The following DSCAM variants were observed in gnomAD, a reference collection of about 807,000 sequenced individuals.
The protein encoded by DSCAM is DS cell adhesion molecule, also known as cell adhesion molecule DSCAM.
A neutral mutation model predicts 217.7 loss-of-function variants in DSCAM; 47 were observed. That is an observed-to-expected ratio of 0.22 (90% CI 0.17 to 0.28). The LOEUF (loss-of-function observed/expected upper bound fraction) is 0.28, where lower values mean the gene tolerates loss of function less well. Ranked by LOEUF, DSCAM falls within the 10% of genes least tolerant of loss-of-function variation. The pLI, the probability that DSCAM is intolerant of heterozygous loss-of-function variation, is 1.00. For missense variants in DSCAM, 2,080 were observed against 2,618.3 expected (o/e 0.79, Z 4.49); for synonymous variants, 1,056 against 1,015.3 (o/e 1.04, Z -0.76).
intron 3 of DSCAM, among the ~76,000 whole-genome samples, chr21:40,531,721 T>C (rs1286861306): frequency 1.3e-5 from 2 of 152,246 alleles, no homozygotes; most frequent in African/African-American, 4.8e-5. Flanking sequence ...GCACATTCCC[T>C]GCCATCAAAA....
intron 1 of DSCAM, among the ~76,000 whole-genome samples, chr21:40,742,559 T>G (rs1288525002): frequency 6.6e-6 from 1 of 152,216 alleles, no homozygotes. Flanking sequence ...ATGTATGTTG[T>G]TTTAAGCCAC....
At chr21:40,048,465 A>C (rs1194589119) in intron 30 of DSCAM, among the ~76,000 whole-genome samples, 1 of 152,176 alleles carries the variant, frequency 6.6e-6, no homozygotes, top group African/African-American at 2.4e-5. Flanking sequence ...CAGCCAAGGG[A>C]TGTGTTTTCA....
At chr21:40,361,980 T>C (rs1397243506) in intron 4 of DSCAM, among the ~76,000 whole-genome samples, 1 of 152,198 alleles carries the variant, frequency 6.6e-6, no homozygotes, top group Non-Finnish European at 1.5e-5. Context: ...TGTCCATGTG[T>C]TCTCATTGTT....
intron 9 of DSCAM, among the ~76,000 whole-genome samples, chr21:40,301,986 C>T (rs1376668060): frequency 6.6e-6 from 1 of 152,174 alleles, no homozygotes; most frequent in African/African-American, 2.4e-5. Context: ...GCCTTTGGGA[C>T]TGTTGCCGTT....
chr21:40,085,617 T>C lies in DSCAM; in HGVS notation c.4117A>G (p.Asn1373Asp). 1 of 1,569,272 alleles carries C rather than the reference T, an allele frequency of 6.4e-7. No individual in the cohort carries two copies. The highest frequency in any genetic ancestry group is 8.7e-7 in the Non-Finnish European group (1 of 1,146,568). Reference sequence around the variant, plus strand: ...AATGTTGTACCTTGTACTTGTAAGTTTAAAATAATTTCATCAGATCCCCAG... The same window carrying C: ...AATGTTGTACCTTGTACTTGTAAGTCTAAAATAATTTCATCAGATCCCCAG... ...NNWGSDEIILNLQVQVPPDQP... is the reference protein window; with the variant it reads ...NNWGSDEIILDLQVQVPPDQP... The change falls in exon 23 of 33, where the codon AAC (asparagine) becomes GAC (aspartate). Residue 1373 changes from asparagine to aspartate, a missense_variant. Asn to Asp is a conservative substitution (Grantham distance 23). This residue lies in a region of DSCAM where 1,144 missense variants were observed against 1,421.1 expected (regional missense o/e 0.81). Transcript: ENST00000400454.
At position 40,708,782 on chromosome 21, in the gene DSCAM, A is replaced by G. The variant is rs1345538043; in HGVS notation, c.44-11T>C. 6.6e-7 allele frequency: 1 copy of G among 1,524,536 alleles called. No homozygotes were observed. The allele number at this position is 1,524,536 out of a possible 1,614,324, so 94.4% of individuals were successfully genotyped here. On this transcript the variant is annotated splice_polypyrimidine_tract_variant and intron_variant, in intron 1 of 32. Transcript: ENST00000400454. ...GGTCTTCACTGAAAACTGCAAGAAG[A>G]CAACACAGGGATCCATAGGTGAGTA...
intron 32 of DSCAM, among the ~76,000 whole-genome samples, chr21:40,041,842 C>G (rs2088756742): frequency 6.6e-6 from 1 of 152,172 alleles, no homozygotes; most frequent in African/African-American, 2.4e-5. Context: ...ACAGCCCTCA[C>G]ATTTTTGACA....
intron 1 of DSCAM, among the ~76,000 whole-genome samples, chr21:40,791,538 C>A (rs1398472493): frequency 6.6e-6 from 1 of 152,006 alleles, no homozygotes; most frequent in Non-Finnish European, 1.5e-5. Context: ...GCCTGTAGTC[C>A]CAGCTACTCG....
intron 11 of DSCAM, among the ~76,000 whole-genome samples, chr21:40,235,575 A>G (rs2091421563): frequency 1.3e-5 from 2 of 152,046 alleles, no homozygotes; most frequent in African/African-American, 4.8e-5. Flanking sequence ...ACCATTCGGA[A>G]GAAAGAAAAT....
At chr21:40,495,519 G>C (rs535209006) in intron 3 of DSCAM, among the ~76,000 whole-genome samples, 20 of 152,252 alleles carry the variant, frequency 1.3e-4, no homozygotes, top group African/African-American at 4.8e-4. Context: ...ATTAGGTATA[G>C]AAAGAATGTT....
At chr21:40,147,038 T>TA (rs1454972348) in intron 16 of DSCAM, among the ~76,000 whole-genome samples, 2 of 152,204 alleles carry the variant, frequency 1.3e-5, no homozygotes, top group Non-Finnish European at 2.9e-5. Flanking sequence ...GTTTTAATGT[T>TA]AGATATAGTG....
Position 40,044,163 on chromosome 21 carries a change from T to C in DSCAM, c.5298A>G (p.Thr1766=). ...HPTISAHTLT[T]DWRLPTPRAA... Reference sequence around the variant, plus strand: ...CCCTGGGTGTTGGCAGCCTCCAGTCTGTGGTGAGGGTGTGTGCTGAGATGG... The same window carrying C: ...CCCTGGGTGTTGGCAGCCTCCAGTCCGTGGTGAGGGTGTGTGCTGAGATGG... Residue 1766 remains threonine (T), a synonymous_variant, in exon 31 of 33, where the codon ACA becomes ACG. Coordinates refer to ENST00000400454, the MANE Select transcript of DSCAM (RefSeq NM_001389.5). The C allele has an allele frequency of 6.2e-7, 1 of 1,614,160 alleles. No individual in the cohort carries two copies.
chr21:40,146,899 GA>G (rs1322293626), intron 16 of DSCAM, among the ~76,000 whole-genome samples: 1 of 152,114 alleles, frequency 6.6e-6, no homozygotes, highest in Non-Finnish European at 1.5e-5. Context: ...TACTCTATGT[GA>G]AAATTGTTTT....
intron 3 of DSCAM, among the ~76,000 whole-genome samples, chr21:40,399,654 C>G (rs2075215768): frequency 6.6e-6 from 1 of 152,202 alleles, no homozygotes; most frequent in Non-Finnish European, 1.5e-5. Context: ...AATTTAGTTA[C>G]TGCCTAGCAA....
chr21:40,550,592 C>T (rs1429211733), intron 3 of DSCAM, among the ~76,000 whole-genome samples: 3 of 152,348 alleles, frequency 2.0e-5, no homozygotes, highest in African/African-American at 4.8e-5. Flanking sequence ...TCCCTTAGGA[C>T]AGACCCTTCT....
chr21:40,199,791 G>A (rs1021604639), intron 11 of DSCAM, among the ~76,000 whole-genome samples: 3 of 152,118 alleles, frequency 2.0e-5, no homozygotes, highest in Non-Finnish European at 4.4e-5. Context: ...GGGGCAAGGG[G>A]AGGGAGAGCA....
chr21:40,702,208 T>G (rs2090664101), intron 2 of DSCAM, among the ~76,000 whole-genome samples: 1 of 152,168 alleles, frequency 6.6e-6, no homozygotes, highest in South Asian at 2.1e-4. Context: ...CAGGGGATTT[T>G]TAGGGCAGTG....
In DSCAM at chr21:40,146,267, G is replaced by A. The variant is rs74556406; in HGVS notation, c.3019-1536C>T. Among the ~76,000 whole-genome samples the A allele has an allele frequency of 1.6e-4, 24 of 152,090 alleles. No individual in the cohort carries two copies. In the East Asian group the frequency reaches 1.9e-3, roughly 12 times the overall value. On this transcript the variant is annotated intron_variant, in intron 16 of 32. Transcript: ENST00000400454. Reference sequence around the variant, plus strand: ...AGAGCCCAGGTGGGCTTGACGGAGGGGGGGAGGTGGCGGGGCACGGCTCAG... The same window carrying A: ...AGAGCCCAGGTGGGCTTGACGGAGGAGGGGAGGTGGCGGGGCACGGCTCAG...
chr21:40,015,192 G>A (rs558523409), intron 32 of DSCAM, among the ~76,000 whole-genome samples: 1 of 152,206 alleles, frequency 6.6e-6, no homozygotes, highest in East Asian at 1.9e-4. Context: ...TAGGTGCTTT[G>A]CTAGGCATTT....
Sources: allele counts gnomAD v4.1 joint callset (sites outside exome capture counted in the v4.1 genomes callset), GRCh38; gene constraint gnomAD v4.1.1; regional missense constraint gnomAD v4.1.1; transcripts MANE v1.5; gene names NCBI Gene and HGNC (gene_info 2026-07-23, HGNC 2026-07-21).